CCDC12: variants seen among roughly 807,000 people sequenced by gnomAD.
CCDC12 encodes coiled-coil domain containing 12.
CCDC12 carries 28 observed loss-of-function variants against 25.7 expected under a neutral mutation model. That is an observed-to-expected ratio of 1.09 (90% CI 0.81 to 1.50). CCDC12 has a LOEUF of 1.50. CCDC12 is among the 40% of genes most tolerant of loss of function. CCDC12 has a pLI of 0.00. For synonymous variants in CCDC12, 75 were observed against 87.7 expected (o/e 0.86, Z 0.81); for missense variants, 198 against 210.0 (o/e 0.94, Z 0.35).
intron 1 of CCDC12, chr3:46,976,231 G>A (rs2034982921): frequency 1.5e-5 from 12 of 817,852 alleles, no homozygotes; most frequent in Non-Finnish European, 1.7e-5. Flanking sequence ...TGCCGGACTG[G>A]GGAGTCTGTC....
At chr3:46,941,310 C>T (rs1012533487) in intron 1 of CCDC12, among the ~76,000 whole-genome samples, 1 of 152,178 alleles carries the variant, frequency 6.6e-6, no homozygotes, top group African/African-American at 2.4e-5. Flanking sequence ...TGCCTGTAAT[C>T]CCAGCACTTC....
At chr3:46,973,482 C>A (rs1362496693) in intron 1 of CCDC12, among the ~76,000 whole-genome samples, 1 of 148,398 alleles carries the variant, frequency 6.7e-6, no homozygotes. Flanking sequence ...GCAACAAGAG[C>A]GAAACTCCAT....
chr3:46,968,317 A>T (rs890460084), intron 1 of CCDC12, among the ~76,000 whole-genome samples: 4 of 148,260 alleles, frequency 2.7e-5, no homozygotes, highest in Non-Finnish European at 5.9e-5. Flanking sequence ...GAGTAAAGCC[A>T]GGGTGCAGGA....
intron 1 of CCDC12, among the ~76,000 whole-genome samples, chr3:46,961,309 C>A (rs1282747078): frequency 6.6e-6 from 1 of 152,188 alleles, no homozygotes; most frequent in African/African-American, 2.4e-5. Flanking sequence ...GAATCACATG[C>A]TGCTCCCAAT....
chr3:46,952,289 A>G (rs945206082), intron 1 of CCDC12, among the ~76,000 whole-genome samples: 6 of 152,044 alleles, frequency 3.9e-5, no homozygotes, highest in Non-Finnish European at 2.9e-5. Flanking sequence ...AACAGCACCC[A>G]CGTATTCGGT....
chr3:46,961,306 A>G (rs1420006395), intron 1 of CCDC12, among the ~76,000 whole-genome samples: 1 of 152,246 alleles, frequency 6.6e-6, no homozygotes, highest in Non-Finnish European at 1.5e-5. Flanking sequence ...ACAGAATCAC[A>G]TGCTGCTCCC....
At chr3:46,923,413 AG>A (rs772815566) in intron 4 of CCDC12, 50 bp from the exon 5 acceptor site, 1 of 1,553,348 alleles carries the variant, frequency 6.4e-7, no homozygotes, top group African/African-American at 1.4e-5. Flanking sequence ...CCCCAGGACA[AG>A]GGGGAGGGCA....
chr3:46,969,070 G>C (rs1460806181), intron 1 of CCDC12, among the ~76,000 whole-genome samples: 2 of 152,184 alleles, frequency 1.3e-5, no homozygotes, highest in African/African-American at 2.4e-5. Context: ...ATGGGATGTA[G>C]ATAGAGGCAA....
intron 1 of CCDC12, among the ~76,000 whole-genome samples, chr3:46,943,093 T>C (rs933763094): frequency 6.6e-6 from 1 of 152,122 alleles, no homozygotes; most frequent in Non-Finnish European, 1.5e-5. Flanking sequence ...CACTGACCTC[T>C]GCTGGGGAAG....
intron 1 of CCDC12, among the ~76,000 whole-genome samples, chr3:46,958,038 G>C (rs2034353206): frequency 6.7e-6 from 1 of 148,948 alleles, no homozygotes; most frequent in Admixed American, 6.7e-5. Flanking sequence ...CTTACACAAA[G>C]GCTAGAATGT....
Position 46,923,645 on chromosome 3 carries a change from G to C in CCDC12, c.268C>G (p.Leu90Val). 6.3e-7 allele frequency: 1 copy of C among 1,576,142 alleles called. No individual in the cohort carries two copies. The highest frequency in any genetic ancestry group is 8.6e-7 in the Non-Finnish European group (1 of 1,160,562). ...VAVEEKVKEQLEAAKPEPVIE... is the reference protein window; with the variant it reads ...VAVEEKVKEQVEAAKPEPVIE... ...ACGGGCTCGGGCTTGGCGGCCTCCA[G>C]CTGCTCCTTCACCTTCTCCTCCACT... Residue 90 changes from leucine (L) to valine (V), a missense_variant, in exon 4 of 7, where the codon CTG becomes GTG. Transcript: ENST00000683445.
intron 1 of CCDC12, among the ~76,000 whole-genome samples, chr3:46,964,091 G>T (rs1375178871): frequency 6.6e-6 from 1 of 150,738 alleles, no homozygotes; most frequent in Non-Finnish European, 1.5e-5. Context: ...TGTGAGGAGC[G>T]CCTCTGCCTA....
chr3:46,922,511 G>C (rs1482957734), intron 5 of CCDC12, 199 bp from the exon 6 acceptor site: 1 of 617,958 alleles, frequency 1.6e-6, no homozygotes, highest in East Asian at 2.8e-5. Flanking sequence ...GTCCCACTGA[G>C]GCAGGGGGAC....
intron 1 of CCDC12, among the ~76,000 whole-genome samples, chr3:46,949,843 A>G (rs2034044227): frequency 1.3e-5 from 2 of 152,120 alleles, no homozygotes; most frequent in African/African-American, 4.8e-5. Context: ...CCTGGCCAAT[A>G]TGGTGAAAAC....
chr3:46,979,689 C>T (rs893977563), upstream of CCDC12: 10 of 314,894 alleles, frequency 3.2e-5, no homozygotes, highest in Admixed American at 5.0e-5. Flanking sequence ...AGCGAGCAGA[C>T]TTGGGTGGCT....
intron 2 of CCDC12, among the ~76,000 whole-genome samples, chr3:46,926,287 G>A (rs891456680): frequency 1.3e-5 from 2 of 152,222 alleles, no homozygotes; most frequent in Non-Finnish European, 2.9e-5. Flanking sequence ...ACGAGAGGCT[G>A]ACTCAGCTCC....
chr3:46,967,368 C>T lies in CCDC12; in HGVS notation c.96+9269G>A, dbSNP rs923834089. Among the ~76,000 whole-genome samples the T allele has an allele frequency of 2.0e-5, 3 of 152,082 alleles. No individual in the cohort carries two copies. The South Asian group carries it at 6.2e-4, about 32-fold the overall frequency. ...GGTCCAGCCTTGGTGGTCTGCAAGG[C>T]CCCCTTCTAACTAGCCCAGCCTCCC... On this transcript the variant is annotated intron_variant, in intron 1 of 6. Coordinates refer to ENST00000683445, the MANE Select transcript of CCDC12 (RefSeq NM_001277074.2).
At chr3:46,973,813 T>C (rs1306083485) in intron 1 of CCDC12, among the ~76,000 whole-genome samples, 1 of 151,996 alleles carries the variant, frequency 6.6e-6, no homozygotes, top group Non-Finnish European at 1.5e-5. Flanking sequence ...AGGTTTTCAC[T>C]GTGTTAGCCA....
At chr3:46,939,395 A>G (rs924582382) in intron 2 of CCDC12, among the ~76,000 whole-genome samples, 1 of 151,928 alleles carries the variant, frequency 6.6e-6, no homozygotes, top group African/African-American at 2.4e-5. Flanking sequence ...ACCACCAGCA[A>G]ATCAAAGCCC....
Sources: allele counts gnomAD v4.1 joint callset (sites outside exome capture counted in the v4.1 genomes callset), GRCh38; gene constraint gnomAD v4.1.1; transcripts MANE v1.5; gene names NCBI Gene and HGNC (gene_info 2026-07-23, HGNC 2026-07-21).